COL14A1: variants seen among roughly 807,000 people sequenced by gnomAD.
COL14A1 encodes the protein collagen alpha-1(XIV) chain.
Under a neutral mutation model 230.3 loss-of-function variants are expected in COL14A1, and 136 were observed. The ratio of observed to expected loss-of-function variants is 0.59; its 90% confidence interval spans 0.51 to 0.68. The LOEUF is 0.68. Ranked by LOEUF, COL14A1 falls within the 30% of genes least tolerant of loss-of-function variation. COL14A1 has a pLI of 0.00. For synonymous variants in COL14A1, 792 were observed against 784.1 expected (o/e 1.01, Z -0.17); for missense variants, 1,976 against 2,215.8 (o/e 0.89, Z 2.17).
At chr8:120,330,003 C>A (rs1485119404) in intron 40 of COL14A1, among the ~76,000 whole-genome samples, 1 of 152,088 alleles carries the variant, frequency 6.6e-6, no homozygotes, top group Admixed American at 6.5e-5. Flanking sequence ...AACATTTGGC[C>A]TTTAAGATTG....
intron 2 of COL14A1, among the ~76,000 whole-genome samples, chr8:120,149,500 G>A (rs1815202510): frequency 6.6e-6 from 1 of 152,068 alleles, no homozygotes; most frequent in South Asian, 2.1e-4. Flanking sequence ...TAAACTCCAG[G>A]ATACAAGACA....
chr8:120,243,196 G>C (rs976596520), intron 19 of COL14A1, among the ~76,000 whole-genome samples: 6 of 152,164 alleles, frequency 3.9e-5, no homozygotes, highest in Admixed American at 3.3e-4. Flanking sequence ...ATGGAGCCCT[G>C]CACTCACACT....
chr8:120,234,747 T>C (rs761048828), intron 19 of COL14A1, among the ~76,000 whole-genome samples: 2 of 152,238 alleles, frequency 1.3e-5, no homozygotes, highest in Non-Finnish European at 2.9e-5. Context: ...GCATCAATGT[T>C]CATCCAGGGT....
rs750644751 is a variant in COL14A1, at chr8:120,203,689, T to A, written c.878-20T>A. 18 of 1,611,130 alleles carry A rather than the reference T, an allele frequency of 1.1e-5. No individual in the cohort carries two copies. The South Asian group carries it at 2.0e-4, about 18-fold the overall frequency. On this transcript the variant is annotated intron_variant, in intron 8 of 47. Coordinates refer to ENST00000297848, the MANE Select transcript of COL14A1 (RefSeq NM_021110.4). ...AGGGGGCATAAAAGTCACCATTCTC[T>A]TTTTTGTCCTCTGTGTAAGGGGTGA...
intron 14 of COL14A1, among the ~76,000 whole-genome samples, chr8:120,224,015 C>T (rs113923748): frequency 0.039 from 4,746 of 120,820 alleles, 281 homozygotes; most frequent in African/African-American, 0.14. Flanking sequence ...AGACCCTGCC[C>T]TCATCTCCTT....
At chr8:120,366,747 A>C (rs969810969) in intron 45 of COL14A1, among the ~76,000 whole-genome samples, 2 of 152,204 alleles carry the variant, frequency 1.3e-5, no homozygotes, top group African/African-American at 2.4e-5. Flanking sequence ...GCCTAATTAC[A>C]ATTCATGCCT....
rs555080997 is a variant in COL14A1, at chr8:120,174,480, G to A, written c.436+6233G>A. Among the ~76,000 whole-genome samples, 18 of 152,272 alleles carry A rather than the reference G, an allele frequency of 1.2e-4. No individual in the cohort carries two copies. The East Asian group carries it at 2.5e-3, about 21-fold the overall frequency. On this transcript the variant is annotated intron_variant, in intron 5 of 47. Coordinates refer to ENST00000297848, the MANE Select transcript of COL14A1 (RefSeq NM_021110.4). ...AAATTAAAACTAAGAAGTAGACAACGGAAGAGTGAGGCTACTATTGGCAAA... is the reference window on the plus strand; with the variant it reads ...AAATTAAAACTAAGAAGTAGACAACAGAAGAGTGAGGCTACTATTGGCAAA...
At chr8:120,264,593 A>G (rs1819450707) in intron 24 of COL14A1, among the ~76,000 whole-genome samples, 1 of 152,160 alleles carries the variant, frequency 6.6e-6, no homozygotes, top group African/African-American at 2.4e-5. Flanking sequence ...TTTTGTCATT[A>G]CCATTATTAT....
intron 40 of COL14A1, among the ~76,000 whole-genome samples, chr8:120,327,571 C>T (rs1821721751): frequency 6.6e-6 from 1 of 152,078 alleles, no homozygotes; most frequent in Admixed American, 6.6e-5. Context: ...GAAATTTCAG[C>T]TTCTGAGAGT....
chr8:120,287,177 C>T (rs768165124), intron 33 of COL14A1, among the ~76,000 whole-genome samples: 7 of 151,226 alleles, frequency 4.6e-5, no homozygotes, highest in East Asian at 1.9e-4. Context: ...TTTTGAATAT[C>T]GTAATTGCAT....
chr8:120,226,592 A>C (rs1483890332), intron 15 of COL14A1, 35 bp from the exon 16 acceptor site: 3 of 1,609,630 alleles, frequency 1.9e-6, no homozygotes, highest in African/African-American at 1.3e-5. Flanking sequence ...TTGCCTTCTC[A>C]TTTCCCTAAC....
Position 120,247,651 on chromosome 8 carries a change from G to A in COL14A1, c.2518G>A (p.Glu840Lys). 6.2e-7 allele frequency: 1 copy of A among 1,614,146 alleles called. No homozygotes were observed. The highest frequency in any genetic ancestry group is 8.5e-7 in the Non-Finnish European group (1 of 1,180,032). Reference protein sequence around the residue: ...SGPQNLRVSEEWYNRLRITWD... With the variant: ...SGPQNLRVSEKWYNRLRITWD... ...GCCCCAGAACTTGCGGGTGTCCGAGGAATGGTATAACCGGTTGCGCATTAC... is the reference window on the plus strand; with the variant it reads ...GCCCCAGAACTTGCGGGTGTCCGAGAAATGGTATAACCGGTTGCGCATTAC... The change falls in exon 21 of 48, where the codon GAA becomes AAA. Residue 840 changes from glutamate to lysine, a missense_variant. Glu to Lys is a moderately conservative substitution (Grantham distance 56, BLOSUM62 1). This residue lies in a region of COL14A1 where 1,791 missense variants were observed against 2,019.5 expected (regional missense o/e 0.89). Coordinates refer to ENST00000297848, the MANE Select transcript of COL14A1 (RefSeq NM_021110.4).
intron 40 of COL14A1, among the ~76,000 whole-genome samples, chr8:120,320,041 T>C (rs1821384467): frequency 6.6e-6 from 1 of 152,164 alleles, no homozygotes; most frequent in African/African-American, 2.4e-5. Flanking sequence ...TCCTCTAATA[T>C]ATGGTGGCTT....
intron 45 of COL14A1, among the ~76,000 whole-genome samples, chr8:120,361,645 T>A (rs947194239): frequency 1.3e-5 from 2 of 152,200 alleles, no homozygotes; most frequent in Non-Finnish European, 2.9e-5. Flanking sequence ...CCTTGATCTA[T>A]AATCTCTGTG....
At chr8:120,308,874 A>T (rs1820936398) in intron 36 of COL14A1, among the ~76,000 whole-genome samples, 1 of 152,142 alleles carries the variant, frequency 6.6e-6, no homozygotes, top group Non-Finnish European at 1.5e-5. Flanking sequence ...TCCTCCTAAC[A>T]CTCATCTCCC....
intron 45 of COL14A1, among the ~76,000 whole-genome samples, chr8:120,348,182 T>C (rs569255727): frequency 6.7e-6 from 1 of 149,430 alleles, no homozygotes; most frequent in South Asian, 2.1e-4. Flanking sequence ...TATATATATA[T>C]GAAGCATATA....
At chr8:120,204,948 A>T (rs974763610) in intron 9 of COL14A1, among the ~76,000 whole-genome samples, 1 of 152,028 alleles carries the variant, frequency 6.6e-6, no homozygotes. Context: ...TCTGCTGGGG[A>T]TGAATATCTC....
intron 9 of COL14A1, 57 bp from the exon 10 acceptor site, chr8:120,206,886 G>A: frequency 6.7e-7 from 1 of 1,489,156 alleles, no homozygotes; most frequent in Non-Finnish European, 9.0e-7. Context: ...AGATGTCTTA[G>A]CTTCATAAGA....
intron 4 of COL14A1, 106 bp from the exon 5 acceptor site, chr8:120,168,055 T>A: frequency 1.5e-6 from 1 of 687,814 alleles, no homozygotes; most frequent in Non-Finnish European, 2.4e-6. Flanking sequence ...ACGGAGCTCA[T>A]TTCTATAGAT....
Sources: gnomAD v4.1 joint callset for allele counts (sites outside exome capture counted in the v4.1 genomes callset) on GRCh38, gnomAD v4.1.1 for gene constraint, gnomAD v4.1.1 regional missense constraint, MANE v1.5 for transcripts, NCBI Gene and HGNC (gene_info 2026-07-23, HGNC 2026-07-21) for gene names.